The following CACNA2D3 variants were observed in gnomAD, a reference collection of about 807,000 sequenced individuals.
The protein encoded by CACNA2D3 is voltage-dependent calcium channel subunit alpha-2/delta-3.
Under a neutral mutation model 160.6 loss-of-function variants are expected in CACNA2D3, and 60 were observed. The observed-to-expected ratio is 0.37, with a 90% CI of 0.30 to 0.46. The LOEUF (loss-of-function observed/expected upper bound fraction) is 0.46. Among genes scored for constraint, CACNA2D3 ranks in the 20% least tolerant of loss-of-function variants. The probability of loss-of-function intolerance (pLI) is 1.00; values close to 1 mark genes in which losing one functional copy is unlikely to be tolerated. For missense variants in CACNA2D3, 1,205 were observed against 1,365.0 expected (o/e 0.88, Z 1.85); for synonymous variants, 558 against 492.9 (o/e 1.13, Z -1.75).
intron 13 of CACNA2D3, among the ~76,000 whole-genome samples, chr3:54,808,716 A>T (rs370513221): frequency 6.6e-6 from 1 of 152,252 alleles, no homozygotes; most frequent in South Asian, 2.1e-4. Flanking sequence ...TTGTAGTAAT[A>T]ACACTATTAG....
chr3:54,400,031 G>T (rs1699420940), intron 4 of CACNA2D3, among the ~76,000 whole-genome samples: 1 of 127,106 alleles, frequency 7.9e-6, no homozygotes, highest in Non-Finnish European at 1.7e-5. Flanking sequence ...GGTCTGAAAA[G>T]TGCAATATTC....
At chr3:54,849,220 C>A (rs552490380) in intron 17 of CACNA2D3, among the ~76,000 whole-genome samples, 26 of 152,172 alleles carry the variant, frequency 1.7e-4, no homozygotes, top group African/African-American at 6.3e-4. Context: ...GTGAAGAAAC[C>A]AAGGTTGTTT....
At chr3:55,007,753 C>T (rs1402117818) in intron 32 of CACNA2D3, 37 bp from the exon 33 acceptor site, 6 of 1,417,148 alleles carry the variant, frequency 4.2e-6, no homozygotes, top group Non-Finnish European at 5.7e-6. Flanking sequence ...TTTGTGTGCA[C>T]TACATTGTTT....
intron 2 of CACNA2D3, among the ~76,000 whole-genome samples, chr3:54,167,092 C>G (rs1454430622): frequency 6.6e-6 from 1 of 152,144 alleles, no homozygotes; most frequent in African/African-American, 2.4e-5. Context: ...TTTCTATGTA[C>G]AGAGTGTCCT....
rs118090146 is a variant in CACNA2D3, at chr3:54,772,837, C to T, written c.1380+8486C>T. The stretch of plus-strand genomic sequence containing the variant: ...AATGACTTGTGCTTTGGAGTTGGGT[C>T]TTAATCAGCTTGGGAATGCTATTCA... On this transcript the variant is annotated intron_variant, in intron 13 of 37. Coordinates refer to ENST00000474759, the MANE Select transcript of CACNA2D3 (RefSeq NM_018398.3). 1.6e-4 allele frequency among the ~76,000 whole-genome samples: 24 copies of T among 152,230 alleles called. 1 individual carries two copies. In the East Asian group the frequency reaches 4.6e-3, roughly 29 times the overall value.
At chr3:54,406,997 T>A (rs1324547835) in intron 4 of CACNA2D3, among the ~76,000 whole-genome samples, 1 of 152,178 alleles carries the variant, frequency 6.6e-6, no homozygotes, top group African/African-American at 2.4e-5. Context: ...ATCACCTACT[T>A]CTACAGAATT....
chr3:54,253,614 G>A (rs1378661468), intron 2 of CACNA2D3, among the ~76,000 whole-genome samples: 1 of 152,086 alleles, frequency 6.6e-6, no homozygotes, highest in Non-Finnish European at 1.5e-5. Flanking sequence ...ATTTGGGTGG[G>A]ACACAGATCC....
chr3:54,862,346 GC>G (rs1028597629), intron 17 of CACNA2D3, among the ~76,000 whole-genome samples: 2 of 150,990 alleles, frequency 1.3e-5, no homozygotes, highest in African/African-American at 4.9e-5. Flanking sequence ...ACAAAATAAA[GC>G]TATTAAACCA....
chr3:54,580,318 A>G (rs1702652740), intron 8 of CACNA2D3, among the ~76,000 whole-genome samples: 1 of 151,898 alleles, frequency 6.6e-6, no homozygotes. Context: ...TCTCCATGGG[A>G]AACCTGATGC....
intron 4 of CACNA2D3, among the ~76,000 whole-genome samples, chr3:54,422,910 T>C (rs1360780255): frequency 3.9e-5 from 6 of 152,156 alleles, no homozygotes; most frequent in African/African-American, 1.4e-4. Context: ...TGTTTGCCTG[T>C]GTGGGAAAAG....
intron 4 of CACNA2D3, among the ~76,000 whole-genome samples, chr3:54,427,453 C>T (rs923226600): frequency 2.6e-5 from 4 of 152,050 alleles, no homozygotes; most frequent in Non-Finnish European, 5.9e-5. Context: ...AATTAAGATA[C>T]TTTTAAAAAT....
chr3:54,493,296 C>G (rs1701146349), intron 4 of CACNA2D3, among the ~76,000 whole-genome samples: 1 of 151,844 alleles, frequency 6.6e-6, no homozygotes, highest in Non-Finnish European at 1.5e-5. Context: ...AGGCTGGTCT[C>G]GAACTCTTGA....
intron 11 of CACNA2D3, among the ~76,000 whole-genome samples, chr3:54,692,106 T>A (rs1211062139): frequency 6.6e-6 from 1 of 152,122 alleles, no homozygotes; most frequent in Non-Finnish European, 1.5e-5. Flanking sequence ...CCCGAGTAGC[T>A]GGGACTACAG....
chr3:54,977,395 G>A (rs1244796478), intron 29 of CACNA2D3, among the ~76,000 whole-genome samples: 2 of 152,074 alleles, frequency 1.3e-5, no homozygotes, highest in African/African-American at 4.8e-5. Context: ...ATGAAATCTT[G>A]CCTCTTTGTC....
intron 3 of CACNA2D3, among the ~76,000 whole-genome samples, chr3:54,348,981 G>A (rs543606596): frequency 6.6e-6 from 1 of 152,294 alleles, no homozygotes; most frequent in South Asian, 2.1e-4. Flanking sequence ...TCCTGCCTCA[G>A]CCTCCCAAAG....
At chr3:54,955,413 G>A (rs1701862311) in intron 27 of CACNA2D3, among the ~76,000 whole-genome samples, 1 of 152,072 alleles carries the variant, frequency 6.6e-6, no homozygotes, top group Non-Finnish European at 1.5e-5. Flanking sequence ...TATTTGATGA[G>A]ATTTCTAGGG....
At chr3:54,832,615 A>G (rs1703905170) in intron 14 of CACNA2D3, among the ~76,000 whole-genome samples, 1 of 152,226 alleles carries the variant, frequency 6.6e-6, no homozygotes, top group South Asian at 2.1e-4. Flanking sequence ...ACCCTGACAG[A>G]TATTGATAAA....
chr3:54,651,557 A>G (rs1296027827), intron 11 of CACNA2D3, among the ~76,000 whole-genome samples: 1 of 151,720 alleles, frequency 6.6e-6, no homozygotes, highest in Non-Finnish European at 1.5e-5. Flanking sequence ...GGGTAAAGGG[A>G]TGCCCTTGAT....
intron 31 of CACNA2D3, among the ~76,000 whole-genome samples, chr3:55,003,437 T>G (rs1703025794): frequency 6.6e-6 from 1 of 152,034 alleles, no homozygotes; most frequent in East Asian, 1.9e-4. Flanking sequence ...CCCTGAAGGT[T>G]TGCTGAAAAT....
Sources: gnomAD v4.1 joint callset for allele counts (sites outside exome capture counted in the v4.1 genomes callset) on GRCh38, gnomAD v4.1.1 for gene constraint, MANE v1.5 for transcripts, NCBI Gene and HGNC (gene_info 2026-07-23, HGNC 2026-07-21) for gene names.